The following BRIP1 variants were observed in gnomAD, a reference collection of about 807,000 sequenced individuals.
The protein encoded by BRIP1 is BRCA1 interacting DNA helicase 1.
Under a neutral mutation model 119.7 loss-of-function variants are expected in BRIP1, and 88 were observed. The observed-to-expected ratio is 0.74, with a 90% CI of 0.62 to 0.88. The LOEUF (loss-of-function observed/expected upper bound fraction) is 0.88, where lower values mean the gene tolerates loss of function less well. BRIP1 is among the 40% of genes least tolerant of loss of function. The pLI, the probability that BRIP1 is intolerant of heterozygous loss-of-function variation, is 0.00. For synonymous variants in BRIP1, 443 were observed against 496.5 expected, an observed-to-expected ratio of 0.89 and a Z score of 1.43; for missense variants, 1,259 against 1,455.4, an observed-to-expected ratio of 0.87 and a Z score of 2.20.
In BRIP1 at chr17:61,776,161, C is replaced by T; in HGVS notation, c.2097+240G>A. 1 of 476,644 alleles carries T rather than the reference C, an allele frequency of 2.1e-6. No individual in the cohort carries two copies. The highest frequency in any genetic ancestry group is 3.4e-5 in the Admixed American group (1 of 29,668). The allele number at this position is 476,644 out of a possible 1,614,324, so 29.5% of individuals were successfully genotyped here. ...CCTCCCAACCTGCTGGGATTACAAG[C>T]ATGAGCCACCACGTCCAGCCTTGCT... On this transcript the variant is annotated intron_variant, in intron 14 of 19. Coordinates refer to ENST00000259008, the MANE Select transcript of BRIP1 (RefSeq NM_032043.3). The surrounding 1 kb of genome is among the most constrained non-coding windows in gnomAD (Gnocchi z 5.0).
In BRIP1 at chr17:61,808,606, G is replaced by C. The variant is rs2145417051; in HGVS notation, c.779C>G (p.Thr260Ser). ...TRTHKQIAQI[T>S]RELRRTAYSG... ...ATATGCCGTCCTCCGGAGCTCTCTA[G>C]TAATCTGAGCAATCTGCTTGTGTGT... Residue 260 changes from threonine to serine, a missense_variant, in exon 7 of 20, where the codon ACT (threonine) becomes AGT (serine). This residue lies in a region of BRIP1 where 501 missense variants were observed against 544.0 expected (regional missense o/e 0.92). Coordinates refer to ENST00000259008, the MANE Select transcript of BRIP1 (RefSeq NM_032043.3). The surrounding 1 kb of genome is among the most constrained non-coding windows in gnomAD (Gnocchi z 4.1). 6.2e-7 allele frequency: 1 copy of C among 1,613,990 alleles called. No individual in the cohort carries two copies.
At chr17:61,719,828 T>G (rs2061943419) in intron 16 of BRIP1, among the ~76,000 whole-genome samples, 3 of 151,726 alleles carry the variant, frequency 2.0e-5, no homozygotes, top group Admixed American at 1.3e-4. Context: ...GATATTTGTT[T>G]TTTGTCTTGT....
Position 61,776,712 on chromosome 17 carries a change from CTG to C in BRIP1, c.1936-152_1936-151del, listed in dbSNP as rs2077540877. The C allele has an allele frequency of 2.6e-6, 2 of 775,336 alleles. No homozygotes were observed. The highest frequency in any genetic ancestry group is 3.5e-5 in the African/African-American group (2 of 57,032). The allele number at this position is 775,336 out of a possible 1,614,324, so 48.0% of individuals were successfully genotyped here. On this transcript the variant is annotated intron_variant, in intron 13 of 19. Transcript: ENST00000259008. The surrounding 1 kb of genome is among the most constrained non-coding windows in gnomAD (Gnocchi z 5.0). The stretch of plus-strand genomic sequence containing the variant: ...GGGGTTTTCTATTACCTTCAATTAA[CTG>C]TATACAGATTTAATTTATAAATGTT...
chr17:61,716,125 T>C, intron 16 of BRIP1, 62 bp from the exon 17 acceptor site: 3 of 1,009,996 alleles, frequency 3.0e-6, no homozygotes, highest in Non-Finnish European at 4.4e-6. Context: ...TTAAACATCA[T>C]ATTAACTTCT....
chr17:61,791,797 A>G (rs1024398475), intron 10 of BRIP1, among the ~76,000 whole-genome samples: 1 of 152,178 alleles, frequency 6.6e-6, no homozygotes, highest in African/African-American at 2.4e-5. Context: ...GATTAATGAA[A>G]TAAAGAAAAT....
intron 14 of BRIP1, among the ~76,000 whole-genome samples, chr17:61,766,916 T>A (rs1786628377): frequency 6.6e-6 from 1 of 152,120 alleles, no homozygotes; most frequent in Non-Finnish European, 1.5e-5. Flanking sequence ...TATAAAGAGT[T>A]TAGAAACTCT....
chr17:61,755,128 T>C lies in BRIP1; in HGVS notation c.2098-10537A>G, dbSNP rs1407213026. On this transcript the variant is annotated intron_variant, in intron 14 of 19. Transcript: ENST00000259008. This position sits in a 1 kb window ranked among gnomAD's most constrained non-coding sequence, Gnocchi z 4.5. ...AGTGCATAGAACAGTACCTTACATA[T>C]AGAAAGTGGTCAGTAAATACTTTTT... Among the ~76,000 whole-genome samples the C allele has an allele frequency of 1.3e-5, 2 of 152,144 alleles. No individual in the cohort carries two copies. Among genetic ancestry groups the C allele is most frequent in the African/African-American group, 2.4e-5 (1 of 41,432 alleles).
chr17:61,693,408 C>CT lies in BRIP1; in HGVS notation c.2575+21dup. ...ATGAAGATTGTTACTAGTTTTTACTCTAAGCCCAGCTGAGATCTTACCAGA... is the reference window on the plus strand; with the variant it reads ...ATGAAGATTGTTACTAGTTTTTACTCTTAAGCCCAGCTGAGATCTTACCAGA... On this transcript the variant is annotated intron_variant, in intron 18 of 19. Transcript: ENST00000259008. This position sits in a 1 kb window ranked among gnomAD's most constrained non-coding sequence, Gnocchi z 4.2. 3 of 1,596,692 alleles carry CT rather than the reference C, an allele frequency of 1.9e-6. No individual in the cohort carries two copies. The highest frequency in any genetic ancestry group is 2.6e-6 in the Non-Finnish European group (3 of 1,164,274).
rs1297315828 is a variant in BRIP1 at position 61,744,385 on chromosome 17, G to A, written c.2257+47C>T. 1 of 1,573,130 alleles carries A rather than the reference G, an allele frequency of 6.4e-7. No individual in the cohort carries two copies. Among genetic ancestry groups the A allele is most frequent in the East Asian group, 2.2e-5 (1 of 44,568 alleles). On this transcript the variant is annotated intron_variant, in intron 15 of 19. Transcript: ENST00000259008. This position sits in a 1 kb window ranked among gnomAD's most constrained non-coding sequence, Gnocchi z 5.0. ...AATTATAATTGTACCTTCTTACTTT[G>A]TAATAAAAAATATTTTTTCACCGAC...
Position 61,762,099 on chromosome 17 carries a change from CATGT to C in BRIP1, c.2097+14298_2097+14301del, listed in dbSNP as rs1476433828. 6.6e-6 allele frequency among the ~76,000 whole-genome samples: 1 copy of C among 151,840 alleles called. No individual in the cohort carries two copies. Among genetic ancestry groups the C allele is most frequent in the Admixed American group, 6.6e-5 (1 of 15,230 alleles). ...GAAACAAAGAGCACAGAAAGAAACCCATGTATGTGCTCAACTGATTTTCAACAAA... is the reference window on the plus strand; with the variant it reads ...GAAACAAAGAGCACAGAAAGAAACCCATGTGCTCAACTGATTTTCAACAAA... On this transcript the variant is annotated intron_variant, in intron 14 of 19. Transcript: ENST00000259008. This position sits in a 1 kb window ranked among gnomAD's most constrained non-coding sequence, Gnocchi z 4.3.
chr17:61,848,206 C>A lies in BRIP1; in HGVS notation c.507+923G>T, dbSNP rs2078763333. Among the ~76,000 whole-genome samples, 1 of 152,102 alleles carries A rather than the reference C, an allele frequency of 6.6e-6. No homozygotes were observed. On this transcript the variant is annotated intron_variant, in intron 5 of 19. Coordinates refer to ENST00000259008, the MANE Select transcript of BRIP1 (RefSeq NM_032043.3). This position sits in a 1 kb window ranked among gnomAD's most constrained non-coding sequence, Gnocchi z 4.3. ...TTTATTTATTTTTTAGAGACAGGGT[C>A]TTGCTCTGTCACCAAGGTTGAAGCA...
intron 4 of BRIP1, among the ~76,000 whole-genome samples, chr17:61,855,297 G>A (rs1351710579): frequency 4.6e-5 from 7 of 152,264 alleles, no homozygotes; most frequent in African/African-American, 1.4e-4. Flanking sequence ...TACCATTTAG[G>A]CTGGGCGTGG....
intron 10 of BRIP1, among the ~76,000 whole-genome samples, chr17:61,786,135 G>A (rs944621049): frequency 9.9e-5 from 15 of 152,072 alleles, no homozygotes; most frequent in African/African-American, 3.6e-4. Context: ...AGAGTGAAGA[G>A]AGAGAAGAAA....
rs2061743493 is a variant in BRIP1, at chr17:61,709,711, T to G, written c.2492+6240A>C. Among the ~76,000 whole-genome samples the G allele has an allele frequency of 6.6e-6, 1 of 152,250 alleles. No individual in the cohort carries two copies. Among genetic ancestry groups the G allele is most frequent in the Non-Finnish European group, 1.5e-5 (1 of 68,036 alleles). ...CAAACTGCCTTGCTTAAATGAATTA[T>G]GCCGGCTTGAGACAAAGATTATACT... On this transcript the variant is annotated intron_variant, in intron 17 of 19. Transcript: ENST00000259008. The surrounding 1 kb of genome is among the most constrained non-coding windows in gnomAD (Gnocchi z 5.0).
rs764195906 is a variant in BRIP1, at chr17:61,715,998, C to G, written c.2445G>C (p.Gln815His). The change falls in exon 17 of 20, where the codon CAG (glutamine) becomes CAC (histidine). Residue 815 changes from glutamine (Q) to histidine (H), a missense_variant. This residue lies in a region of BRIP1 where 753 missense variants were observed against 891.8 expected (regional missense o/e 0.84). Coordinates refer to ENST00000259008, the MANE Select transcript of BRIP1 (RefSeq NM_032043.3). ...SKLRGLLPGR[Q>H]WYEIQAYRAL... is the part of the protein sequence containing the mutation. Reference sequence around the variant, plus strand: ...CCCTGTATGCTTGAATTTCATACCACTGACGGCCAGGTAGAAGACCTCTCA... The same window carrying G: ...CCCTGTATGCTTGAATTTCATACCAGTGACGGCCAGGTAGAAGACCTCTCA... 1 of 1,609,288 alleles carries G rather than the reference C, an allele frequency of 6.2e-7. No individual in the cohort carries two copies. Among genetic ancestry groups the G allele is most frequent in the African/African-American group, 1.3e-5 (1 of 74,988 alleles).
intron 14 of BRIP1, among the ~76,000 whole-genome samples, chr17:61,747,883 G>A (rs1243567892): frequency 1.3e-5 from 2 of 151,176 alleles, no homozygotes; most frequent in Non-Finnish European, 2.9e-5. Context: ...CTAGAGGCAT[G>A]AGCCACCATG....
chr17:61,723,348 T>C (rs749890401), intron 16 of BRIP1, among the ~76,000 whole-genome samples: 2 of 152,192 alleles, frequency 1.3e-5, no homozygotes, highest in Non-Finnish European at 2.9e-5. Context: ...CACATTCTTA[T>C]CTCTCAGGCA....
Position 61,828,164 on chromosome 17 carries a change from T to C in BRIP1, c.627+18937A>G, listed in dbSNP as rs1244925821. ...AGATGGAAACAACCCAGATGTCCACTGGCAGATGAACGGACAAACAAAATG... is the reference window on the plus strand; with the variant it reads ...AGATGGAAACAACCCAGATGTCCACCGGCAGATGAACGGACAAACAAAATG... On this transcript the variant is annotated intron_variant, in intron 6 of 19. Coordinates refer to ENST00000259008, the MANE Select transcript of BRIP1 (RefSeq NM_032043.3). This position sits in a 1 kb window ranked among gnomAD's most constrained non-coding sequence, Gnocchi z 4.1. Among the ~76,000 whole-genome samples, 1 of 152,330 alleles carries C rather than the reference T, an allele frequency of 6.6e-6. No individual in the cohort carries two copies. Among genetic ancestry groups the C allele is most frequent in the East Asian group, 1.9e-4 (1 of 5,194 alleles).
chr17:61,781,886 A>G (rs1433110969), intron 11 of BRIP1, among the ~76,000 whole-genome samples: 1 of 150,088 alleles, frequency 6.7e-6, no homozygotes, highest in East Asian at 2.0e-4. Flanking sequence ...GCGCCACTGC[A>G]CTGTAGCCTG....
Sources: allele counts gnomAD v4.1 joint callset (sites outside exome capture counted in the v4.1 genomes callset), GRCh38; gene constraint gnomAD v4.1.1; regional missense constraint gnomAD v4.1.1; non-coding constraint Gnocchi (gnomAD v3.1); transcripts MANE v1.5; gene names NCBI Gene and HGNC (gene_info 2026-07-23, HGNC 2026-07-21).